PCDH15: variants seen among roughly 807,000 people sequenced by gnomAD.
The protein encoded by PCDH15 is protocadherin related 15.
In PCDH15, 129 loss-of-function variants were observed where a neutral mutation model predicts 178.5. The ratio of observed to expected loss-of-function variants is 0.72; its 90% CI spans 0.63 to 0.84. The LOEUF (loss-of-function observed/expected upper bound fraction) is 0.84. Ranked by LOEUF, PCDH15 falls within the 40% of genes least tolerant of loss-of-function variation. PCDH15 has a pLI of 0.00. For missense variants in PCDH15, 2,230 were observed against 2,099.9 expected, an observed-to-expected ratio of 1.06 and a Z score of -1.21; for synonymous variants, 800 against 732.0, an observed-to-expected ratio of 1.09 and a Z score of -1.50.
chr10:55,007,625 T>A (rs1839963939), intron 2 of PCDH15, among the ~76,000 whole-genome samples: 3 of 152,268 alleles, frequency 2.0e-5, no homozygotes, highest in Admixed American at 2.0e-4. Context: ...GTTTGTTCCT[T>A]TACATGTAAA....
intron 2 of PCDH15, among the ~76,000 whole-genome samples, chr10:54,963,880 C>G (rs1407535895): frequency 6.6e-6 from 1 of 152,154 alleles, no homozygotes; most frequent in Non-Finnish European, 1.5e-5. Context: ...CAAAAATTGC[C>G]AGGGAAGAAA....
intron 1 of PCDH15, among the ~76,000 whole-genome samples, chr10:55,178,375 C>T (rs1228567375): frequency 6.6e-6 from 1 of 152,084 alleles, no homozygotes; most frequent in East Asian, 1.9e-4. Flanking sequence ...GAATGGGCCA[C>T]CTCTTGGGAA....
intron 2 of PCDH15, among the ~76,000 whole-genome samples, chr10:55,415,826 A>C (rs1838467154): frequency 6.6e-6 from 1 of 151,750 alleles, no homozygotes; most frequent in Non-Finnish European, 1.5e-5. Context: ...CCCATTCATA[A>C]ATAATCTGCT....
chr10:55,559,768 A>T (rs142414919), intron 2 of PCDH15, among the ~76,000 whole-genome samples: 81 of 152,062 alleles, frequency 5.3e-4, no homozygotes, highest in South Asian at 4.1e-3. Context: ...TGTAGATGTG[A>T]AAGTGTGCAT....
At chr10:55,070,260 T>C (rs1348434066) in intron 2 of PCDH15, among the ~76,000 whole-genome samples, 1 of 152,202 alleles carries the variant, frequency 6.6e-6, no homozygotes, top group Non-Finnish European at 1.5e-5. Context: ...TTTCTTTTGC[T>C]GTGCAGAAGC....
At chr10:55,305,380 C>T (rs1843394600) in intron 1 of PCDH15, among the ~76,000 whole-genome samples, 1 of 152,182 alleles carries the variant, frequency 6.6e-6, no homozygotes, top group Admixed American at 6.5e-5. Context: ...TCACAACAAC[C>T]AATATATCCT....
intron 17 of PCDH15, among the ~76,000 whole-genome samples, chr10:54,077,443 T>C (rs1045645292): frequency 6.6e-6 from 1 of 152,208 alleles, no homozygotes; most frequent in Non-Finnish European, 1.5e-5. Flanking sequence ...TAAGAAACTT[T>C]AAGGACAGAC....
intron 2 of PCDH15, among the ~76,000 whole-genome samples, chr10:55,374,504 G>A (rs184387157): frequency 4.3e-4 from 65 of 152,224 alleles, no homozygotes; most frequent in African/African-American, 1.6e-3. Flanking sequence ...ATAGGCAATA[G>A]ATATCACTTG....
chr10:54,277,700 T>C (rs1356541909), intron 8 of PCDH15, among the ~76,000 whole-genome samples: 1 of 151,648 alleles, frequency 6.6e-6, no homozygotes, highest in Admixed American at 6.6e-5. Flanking sequence ...GCAATATTTC[T>C]TGGTTACTAT....
rs545213858 is a variant in PCDH15, at chr10:54,562,284, C to T, written c.92-34407G>A. On this transcript the variant is annotated intron_variant, in intron 2 of 37. Coordinates refer to ENST00000644397, the MANE Select transcript of PCDH15 (RefSeq NM_001384140.1). ...GGGATTACAGGCATGAGCCACTGTG[C>T]CTGGCCTATCAATGGTAATACCTTA... 3.9e-5 allele frequency among the ~76,000 whole-genome samples: 6 copies of T among 152,222 alleles called. No homozygotes were observed. The East Asian group carries it at 1.2e-3, about 29-fold the overall frequency.
At chr10:55,107,383 A>C (rs1346014824) in intron 2 of PCDH15, among the ~76,000 whole-genome samples, 1 of 152,116 alleles carries the variant, frequency 6.6e-6, no homozygotes, top group Non-Finnish European at 1.5e-5. Context: ...TAGGTCATAC[A>C]TGAAAATTTT....
At chr10:55,425,555 T>C (rs1474118583) in intron 2 of PCDH15, among the ~76,000 whole-genome samples, 1 of 152,100 alleles carries the variant, frequency 6.6e-6, no homozygotes, top group African/African-American at 2.4e-5. Flanking sequence ...AATTCTCAAG[T>C]GTATTTCTTT....
chr10:54,659,167 T>A (rs2094453021), intron 2 of PCDH15, among the ~76,000 whole-genome samples: 1 of 152,136 alleles, frequency 6.6e-6, no homozygotes, highest in African/African-American at 2.4e-5. Flanking sequence ...GCTGAAGTAT[T>A]TAACAACTAT....
Position 54,057,512 on chromosome 10 carries a change from G to T in PCDH15, c.2220+9245C>A, listed in dbSNP as rs1452131460. Reference sequence around the variant, plus strand: ...CCTTGGCCCCTTTTAGCCATGGCTAGAGTGGCTGGGATACAGGGCACTAAG... The same window carrying T: ...CCTTGGCCCCTTTTAGCCATGGCTATAGTGGCTGGGATACAGGGCACTAAG... On this transcript the variant is annotated intron_variant, in intron 18 of 37. Coordinates refer to ENST00000644397, the MANE Select transcript of PCDH15 (RefSeq NM_001384140.1). Among the ~76,000 whole-genome samples, 3 of 152,294 alleles carry T rather than the reference G, an allele frequency of 2.0e-5. No individual in the cohort carries two copies. In the East Asian group the frequency reaches 5.8e-4, roughly 29 times the overall value.
At chr10:55,197,615 A>T (rs928828118) in intron 1 of PCDH15, among the ~76,000 whole-genome samples, 10 of 152,098 alleles carry the variant, frequency 6.6e-5, no homozygotes, top group African/African-American at 2.4e-4. Flanking sequence ...AAAGTCATTC[A>T]TCCAGTGTTA....
intron 3 of PCDH15, among the ~76,000 whole-genome samples, chr10:54,483,735 G>T (rs1387256880): frequency 1.3e-5 from 2 of 151,460 alleles, no homozygotes; most frequent in African/African-American, 4.8e-5. Context: ...CTTTTGAAAG[G>T]TACCCTTTTA....
At chr10:54,944,909 AT>A (rs200134490) in intron 2 of PCDH15, among the ~76,000 whole-genome samples, 8 of 151,184 alleles carry the variant, frequency 5.3e-5, no homozygotes, top group South Asian at 2.1e-4. Context: ...TAAATGGACA[AT>A]TTTTTTTTCA....
chr10:55,077,598 G>A (rs1841938342), intron 2 of PCDH15, among the ~76,000 whole-genome samples: 1 of 151,530 alleles, frequency 6.6e-6, no homozygotes, highest in Non-Finnish European at 1.5e-5. Flanking sequence ...CACCCAGCCT[G>A]GAGTGCAGTG....
chr10:55,272,246 A>T (rs184457908), intron 1 of PCDH15, among the ~76,000 whole-genome samples: 1 of 152,100 alleles, frequency 6.6e-6, no homozygotes, highest in East Asian at 1.9e-4. Flanking sequence ...AAAACAACTA[A>T]GATTTTTTTT....
Sources: allele counts gnomAD v4.1 joint callset (sites outside exome capture counted in the v4.1 genomes callset), GRCh38; gene constraint gnomAD v4.1.1; transcripts MANE v1.5; gene names NCBI Gene and HGNC (gene_info 2026-07-23, HGNC 2026-07-21).